Variants in TRO observed in about 807,000 individuals in gnomAD.
TRO encodes the protein trophinin.
TRO carries 29 observed loss-of-function variants against 42.3 expected under a neutral mutation model. That is an observed-to-expected ratio of 0.68 (90% CI 0.51 to 0.93). TRO has a LOEUF of 0.93. Ranked by LOEUF, TRO falls within the 40% of genes least tolerant of loss-of-function variation. The pLI is 0.00. For synonymous variants in TRO, 384 were observed against 425.2 expected (o/e 0.90, Z 1.19); for missense variants, 963 against 1,127.7 (o/e 0.85, Z 2.09).
In TRO at chrX:54,930,816, T is replaced by C. The variant is rs1389519513; in HGVS notation, c.4092T>C (p.Ile1364=). The C allele has an allele frequency of 8.3e-7, 1 of 1,211,586 alleles. No homozygotes were observed. The change falls in exon 12 of 13, where the codon ATT becomes ATC. Residue 1364 remains isoleucine, a synonymous_variant. Coordinates refer to ENST00000173898, the MANE Select transcript of TRO (RefSeq NM_001039705.3). ...STGFSSGPSS[I]VGFSGGPSTG... is the part of the protein sequence containing the mutation. ...GCTTCAGTAGTGGACCCAGTTCTAT[T>C]GTTGGCTTCAGCGGTGGACCAAGCA...
chrX:54,926,352 A>C, intron 7 of TRO, 58 bp from the exon 8 acceptor site: 3 of 1,132,360 alleles, frequency 2.6e-6, no homozygotes, highest in Non-Finnish European at 3.6e-6. Flanking sequence ...CTGAAACATA[A>C]ACCTTCTTTC....
In TRO at chrX:54,930,621, C is replaced by T. The variant is rs201030396; in HGVS notation, c.3897C>T (p.Phe1299=). The change falls in exon 12 of 13, where the codon TTC becomes TTT. Residue 1299 remains phenylalanine, a synonymous_variant. Transcript: ENST00000173898. ...GTGGACTGGGCACCAATGCTAGTTT[C>T]GGCAGCACACTTGGCACCAGTGCTG... ...FGGGLGTNAS[F]GSTLGTSAGF... is the part of the protein sequence containing the mutation. 71 of 1,203,687 alleles carry T rather than the reference C, an allele frequency of 5.9e-5. No individual in the cohort carries two copies. Among genetic ancestry groups the T allele is most frequent in the Middle Eastern group, 2.3e-4 (1 of 4,316 alleles).
chrX:54,922,364 C>A, intron 2 of TRO, 73 bp downstream of exon 2: 1 of 1,100,379 alleles, frequency 9.1e-7, no homozygotes, highest in Non-Finnish European at 1.2e-6. Context: ...CAGACCCCTT[C>A]CACCGTGTAG....
At position 54,925,679 on chromosome X, in the gene TRO, G is replaced by A; in HGVS notation, c.1573G>A (p.Gly525Arg). ...STQESSAGIL[G>R]TTKDTPKLGL... is the part of the protein sequence containing the mutation. ...TCAGGAATCCTCTGCAGGCATACTG[G>A]GAACGTAAGCTGGGAAAGGGCTGGA... The change falls in exon 7 of 13, where the codon GGA becomes AGA. Residue 525 changes from glycine to arginine, a missense_variant. Around this residue, in one of 2 missense-constraint regions of TRO, gnomAD observed 641 missense variants for 811.3 expected, o/e 0.79. Coordinates refer to ENST00000173898, the MANE Select transcript of TRO (RefSeq NM_001039705.3). 2 of 1,204,346 alleles carry A rather than the reference G, an allele frequency of 1.7e-6. No homozygotes were observed. Among genetic ancestry groups the A allele is most frequent in the Non-Finnish European group, 2.2e-6 (2 of 889,353 alleles).
At position 54,929,185 on chromosome X, in the gene TRO, G is replaced by A. The variant is rs1234932103; in HGVS notation, c.2461G>A (p.Ala821Thr). 1 of 1,212,482 alleles carries A rather than the reference G, an allele frequency of 8.2e-7. No homozygotes were observed. The highest frequency in any genetic ancestry group is 3.0e-5 in the East Asian group (1 of 33,863). The stretch of plus-strand genomic sequence containing the variant: ...CTTTGGTGGCATGCCTTGTACCAGT[G>A]CCAGCTTTAGTGGTGGAGTCAGCTC... The part of the protein sequence containing the change: ...ISFGGMPCTS[A>T]SFSGGVSSSF... The change falls in exon 12 of 13, where the codon GCC becomes ACC. Residue 821 changes from alanine to threonine, a missense_variant. Around this residue, in one of 2 missense-constraint regions of TRO, gnomAD observed 641 missense variants for 811.3 expected, o/e 0.79. Coordinates refer to ENST00000173898, the MANE Select transcript of TRO (RefSeq NM_001039705.3).
chrX:54,926,268 C>T (rs372973120), intron 7 of TRO, 142 bp from the exon 8 acceptor site: 3 of 566,912 alleles, frequency 5.3e-6, no homozygotes, highest in Middle Eastern at 5.3e-4. Flanking sequence ...AGAGACTGGG[C>T]AGAATTCTGT....
Position 54,922,314 on chromosome X carries a change from C to G in TRO, c.45+23C>G, listed in dbSNP as rs780503781. The G allele has an allele frequency of 4.2e-6, 5 of 1,201,281 alleles. No individual in the cohort carries two copies. In the Admixed American group the frequency reaches 1.1e-4, roughly 26 times the overall value. ...CAGGTGAGGCCTCTCTGCATTCTCT[C>G]TAGGCCATCTGCCCCATCCTGAGTT... On this transcript the variant is annotated intron_variant, in intron 2 of 12. Transcript: ENST00000173898.
At position 54,927,267 on chromosome X, in the gene TRO, C is replaced by G. The variant is rs1932798194; in HGVS notation, c.1763+162C>G. The G allele has an allele frequency of 6.6e-6, 4 of 606,221 alleles. No homozygotes were observed. In the Admixed American group the frequency reaches 1.2e-4, roughly 18 times the overall value. 50.0% of individuals were successfully genotyped at this position (606,221 alleles called of 1,213,427 possible). ...CTAAAATTCCCATGGGCAGACCTTT[C>G]CAGGACTGGGCCAGACTCAACACAA... On this transcript the variant is annotated intron_variant, in intron 10 of 12. Transcript: ENST00000173898.
At chrX:54,925,881 G>A (rs1182840112) in intron 7 of TRO, among the ~76,000 whole-genome samples, 198 bp downstream of exon 7, 1 of 112,102 alleles carries the variant, frequency 8.9e-6, no homozygotes, top group Non-Finnish European at 1.9e-5. Flanking sequence ...AAGGGTATAG[G>A]AGCCTAGGGT....
In TRO at chrX:54,929,343, CACA is replaced by C. The variant is rs920660184; in HGVS notation, c.2622_2624del (p.Thr875del). The C allele has an allele frequency of 8.3e-6, 10 of 1,211,163 alleles. No homozygotes were observed. In the African/African-American group the frequency reaches 1.4e-4, roughly 17 times the overall value. On this transcript the variant is annotated inframe_deletion, in exon 12 of 13. Transcript: ENST00000173898. ...CTAGCACCAGCTTTGGCAGTGCACC[CACA>C]ACGAGCACAGTCTTCAGTAGTGCGC...
Position 54,923,446 on chromosome X carries a change from C to T in TRO, c.914C>T (p.Ala305Val), listed in dbSNP as rs1379497932. ...IRPKKSKGKK[A>V]ASRGPNSVSE... Reference sequence around the variant, plus strand: ...CCCAAAAAATCCAAGGGCAAGAAGGCTGCCAGCAGGGGCCCAAATTCTGTC... The same window carrying T: ...CCCAAAAAATCCAAGGGCAAGAAGGTTGCCAGCAGGGGCCCAAATTCTGTC... Residue 305 changes from alanine (A) to valine (V), a missense_variant, in exon 3 of 13, where the codon GCT (alanine) becomes GTT (valine). Physicochemically the swap from Ala to Val is moderately conservative, Grantham distance 64. Around this residue, in one of 2 missense-constraint regions of TRO, gnomAD observed 322 missense variants for 316.5 expected, o/e 1.02. Transcript: ENST00000173898. 8.4e-7 allele frequency: 1 copy of T among 1,191,515 alleles called. No individual in the cohort carries two copies. The highest frequency in any genetic ancestry group is 1.7e-5 in the African/African-American group (1 of 57,473).
chrX:54,923,172 A>G lies in TRO; in HGVS notation c.640A>G (p.Lys214Glu). The G allele has an allele frequency of 8.3e-7, 1 of 1,211,478 alleles. No individual in the cohort carries two copies. The highest frequency in any genetic ancestry group is 1.1e-6 in the Non-Finnish European group (1 of 895,467). ...KASKAKKAAN[K>E]AIASATEVSL... is the part of the protein sequence containing the mutation. Reference sequence around the variant, plus strand: ...TTCCAAGGCTAAGAAGGCTGCAAATAAGGCCATAGCTAGTGCCACCGAGGT... The same window carrying G: ...TTCCAAGGCTAAGAAGGCTGCAAATGAGGCCATAGCTAGTGCCACCGAGGT... The change falls in exon 3 of 13, where the codon AAG (lysine) becomes GAG (glutamate). Residue 214 changes from lysine (K) to glutamate (E), a missense_variant. This residue lies in a region of TRO where 322 missense variants were observed against 316.5 expected (regional missense o/e 1.02). Transcript: ENST00000173898.
At chrX:54,927,578 A>G in intron 10 of TRO, 89 bp from the exon 11 acceptor site, 2 of 630,168 alleles carry the variant, frequency 3.2e-6, no homozygotes, top group Non-Finnish European at 5.0e-6. Flanking sequence ...GGCTGTTTGT[A>G]TTTGTTTGGA....
At position 54,929,530 on chromosome X, in the gene TRO, A is replaced by G. The variant is rs759663222; in HGVS notation, c.2806A>G (p.Ser936Gly). 5.0e-6 allele frequency: 6 copies of G among 1,210,827 alleles called. No homozygotes were observed. The highest frequency in any genetic ancestry group is 6.7e-6 in the Non-Finnish European group (6 of 895,390). The change falls in exon 12 of 13, where the codon AGT becomes GGT. Residue 936 changes from serine to glycine, a missense_variant. Ser to Gly is a moderately conservative substitution (Grantham distance 56). Around this residue, in one of 2 missense-constraint regions of TRO, gnomAD observed 641 missense variants for 811.3 expected, o/e 0.79. Coordinates refer to ENST00000173898, the MANE Select transcript of TRO (RefSeq NM_001039705.3). The stretch of plus-strand genomic sequence containing the variant: ...TGGCTTTGGAGGCACACTTAGCACC[A>G]GTGTCTCCTTTGGTGGCTCTTCCAG... ...STGFGGTLST[S>G]VSFGGSSSTS...
chrX:54,929,239 G>A lies in TRO; in HGVS notation c.2515G>A (p.Ala839Thr). ...SSFSGPLSTS[A>T]TFSGGASSGF... ...TTTTAGTGGCCCACTCAGCACCAGT[G>A]CCACTTTCAGTGGTGGAGCCAGCTC... The change falls in exon 12 of 13, where the codon GCC (alanine) becomes ACC (threonine). Residue 839 changes from alanine (A) to threonine (T), a missense_variant. Coordinates refer to ENST00000173898, the MANE Select transcript of TRO (RefSeq NM_001039705.3). 4.9e-6 allele frequency: 6 copies of A among 1,212,172 alleles called. No individual in the cohort carries two copies. The East Asian group carries it at 1.2e-4, about 24-fold the overall frequency.
chrX:54,926,190 T>G (rs1018418280), intron 7 of TRO, among the ~76,000 whole-genome samples: 2 of 112,206 alleles, frequency 1.8e-5, no homozygotes, highest in Non-Finnish European at 3.8e-5. Context: ...TTTTCCCATT[T>G]TACTGAATAA....
chrX:54,926,185 C>T (rs1463480113), intron 7 of TRO, among the ~76,000 whole-genome samples: 1 of 112,066 alleles, frequency 8.9e-6, no homozygotes, highest in African/African-American at 3.2e-5. Flanking sequence ...TATGATTTTC[C>T]CATTTTACTG....
Position 54,929,976 on chromosome X carries a change from C to A in TRO, c.3252C>A (p.Ser1084Arg). ...GTGCCAGCTTCAGTGGTGCTGTCAG[C>A]ACCAGTGCTTGCTTCAGTGGTGCAC... Reference protein sequence around the residue: ...STSASFSGAVSTSACFSGAPI... With the variant: ...STSASFSGAVRTSACFSGAPI... The change falls in exon 12 of 13, where the codon AGC (serine) becomes AGA (arginine). Residue 1084 changes from serine to arginine, a missense_variant. Ser to Arg is a moderately radical substitution (Grantham distance 110). Transcript: ENST00000173898. 2 of 1,211,752 alleles carry A rather than the reference C, an allele frequency of 1.7e-6. No individual in the cohort carries two copies. The highest frequency in any genetic ancestry group is 2.2e-6 in the Non-Finnish European group (2 of 895,478).
rs1440091228 is a variant in TRO at position 54,927,412 on chromosome X, T to C, written c.1764-255T>C. 3 of 469,418 alleles carry C rather than the reference T, an allele frequency of 6.4e-6. No homozygotes were observed. The Admixed American group carries it at 9.7e-5, about 15-fold the overall frequency. The allele number at this position is 469,418 out of a possible 1,213,427, so 38.7% of individuals were successfully genotyped here. A position where few individuals can be genotyped will look rare whatever the true frequency, so the allele number is the denominator to read the frequency against. On this transcript the variant is annotated intron_variant, in intron 10 of 12. Coordinates refer to ENST00000173898, the MANE Select transcript of TRO (RefSeq NM_001039705.3). ...AGGTGGCATGATACTTTGGCCTTCC[T>C]GTGACATCATGCCCTATACATGTCT...
Sources: gnomAD v4.1 joint callset for allele counts (sites outside exome capture counted in the v4.1 genomes callset) on GRCh38, gnomAD v4.1.1 for gene constraint, gnomAD v4.1.1 regional missense constraint, MANE v1.5 for transcripts, NCBI Gene and HGNC (gene_info 2026-07-23, HGNC 2026-07-21) for gene names.